The following PLEKHH2 variants were observed in gnomAD, a reference collection of about 807,000 sequenced individuals.
PLEKHH2 encodes the protein pleckstrin homology, MyTH4 and FERM domain containing H2, also known as pleckstrin homology domain-containing family H member 2.
A neutral mutation model predicts 187.9 loss-of-function variants in PLEKHH2; 129 were observed. The ratio of observed to expected loss-of-function variants is 0.69; its 90% CI spans 0.59 to 0.79. The LOEUF is 0.79. Among genes scored for constraint, PLEKHH2 ranks in the 30% least tolerant of loss-of-function variants. The pLI, the probability that PLEKHH2 is intolerant of heterozygous loss-of-function variation, is 0.00. For missense variants in PLEKHH2, 2,076 were observed against 1,751.2 expected, an observed-to-expected ratio of 1.19 and a Z score of -3.31; for synonymous variants, 686 against 605.6, an observed-to-expected ratio of 1.13 and a Z score of -1.95.
Position 43,710,266 on chromosome 2 carries a change from T to C in PLEKHH2, c.2150T>C (p.Val717Ala), listed in dbSNP as rs1263800555. The C allele has an allele frequency of 1.2e-6, 2 of 1,614,162 alleles. No individual in the cohort carries two copies. The highest frequency in any genetic ancestry group is 2.2e-5 in the South Asian group (2 of 91,072). ...SGYLLKMSGKVKSWKRRWFVL... is the reference protein window; with the variant it reads ...SGYLLKMSGKAKSWKRRWFVL... ...TATTTATTAAAAATGAGTGGTAAAG[T>C]CAAGTCTTGGAAGCGGCGGTGGTTT... The change falls in exon 13 of 30, where the codon GTC (valine) becomes GCC (alanine). Residue 717 changes from valine (V) to alanine (A), a missense_variant. Coordinates refer to ENST00000282406, the MANE Select transcript of PLEKHH2 (RefSeq NM_172069.4).
At chr2:43,675,881 CA>C (rs1558461534) in intron 2 of PLEKHH2, 1 of 1,613,990 alleles carries the variant, frequency 6.2e-7, no homozygotes, top group African/African-American at 1.3e-5. Context: ...TTTTCAATGA[CA>C]GCAAACGTAG....
At chr2:43,672,124 T>G (rs932182451) in intron 2 of PLEKHH2, among the ~76,000 whole-genome samples, 1 of 152,222 alleles carries the variant, frequency 6.6e-6, no homozygotes, top group Non-Finnish European at 1.5e-5. Context: ...GCTAACTTAT[T>G]TCTTCTTAAA....
Position 43,729,743 on chromosome 2 carries a change from CT to C in PLEKHH2, c.2830del (p.Ser944ProfsTer21), listed in dbSNP as rs778901897. 6.3e-7 allele frequency: 1 copy of C among 1,582,462 alleles called. No homozygotes were observed. Among genetic ancestry groups the C allele is most frequent in the East Asian group, 2.3e-5 (1 of 44,326 alleles). ...VCKLLNIDGE[P>X]SSQIWRHPTL... ...AAATTGCTAAATATAGACGGGGAGCCTTGTAAGTTCATAAACATATAAATAA... is the reference window on the plus strand; with the variant it reads ...AAATTGCTAAATATAGACGGGGAGCCTGTAAGTTCATAAACATATAAATAA... On this transcript the variant is annotated frameshift_variant and splice_region_variant, in exon 18 of 30. Transcript: ENST00000282406. LOFTEE classifies it high-confidence loss of function.
chr2:43,706,068 A>G (rs1669641465), intron 9 of PLEKHH2, among the ~76,000 whole-genome samples: 1 of 152,226 alleles, frequency 6.6e-6, no homozygotes. Flanking sequence ...AATAAAAGCT[A>G]TGGTTCTTGC....
chr2:43,754,231 T>A (rs2104616986), intron 25 of PLEKHH2, among the ~76,000 whole-genome samples: 1 of 150,350 alleles, frequency 6.7e-6, no homozygotes, highest in African/African-American at 2.5e-5. Flanking sequence ...TTAATCAGAA[T>A]AGAAGTATAT....
At chr2:43,722,951 A>G (rs921482582) in intron 16 of PLEKHH2, among the ~76,000 whole-genome samples, 1 of 152,212 alleles carries the variant, frequency 6.6e-6, no homozygotes, top group Admixed American at 6.5e-5. Context: ...TGCTATAAAT[A>G]TTTCCAAAAG....
intron 3 of PLEKHH2, among the ~76,000 whole-genome samples, chr2:43,687,980 T>C (rs1229422273): frequency 6.6e-6 from 1 of 152,106 alleles, no homozygotes; most frequent in Non-Finnish European, 1.5e-5. Flanking sequence ...AGAATTTTTT[T>C]TGTAGAGATG....
chr2:43,710,851 T>C (rs1372346635), intron 14 of PLEKHH2: 1 of 1,180,240 alleles, frequency 8.5e-7, no homozygotes, highest in Non-Finnish European at 1.0e-6. Context: ...TTTTCAGCTG[T>C]CCAACTGTGA....
In PLEKHH2 at chr2:43,712,351, G is replaced by A. The variant is rs746927146; in HGVS notation, c.2428G>A (p.Gly810Ser). 4.3e-6 allele frequency: 7 copies of A among 1,613,988 alleles called. No individual in the cohort carries two copies. In the African/African-American group the frequency reaches 8.0e-5, roughly 18 times the overall value. The change falls in exon 15 of 30, where the codon GGC becomes AGC. Residue 810 changes from glycine to serine, a missense_variant. By Grantham distance (56) the Gly-to-Ser change is moderately conservative (BLOSUM62 0). Transcript: ENST00000282406. ...CAACCCACTTTCCCTGCAGCCTGAGGGCAAACCCACCATGAAGGGATTGCT... is the reference window on the plus strand; with the variant it reads ...CAACCCACTTTCCCTGCAGCCTGAGAGCAAACCCACCATGAAGGGATTGCT... ...AANPLSLQPE[G>S]KPTMKGLLTK... is the part of the protein sequence containing the mutation.
At chr2:43,719,992 C>G (rs1157912704) in intron 15 of PLEKHH2, among the ~76,000 whole-genome samples, 1 of 152,094 alleles carries the variant, frequency 6.6e-6, no homozygotes, top group Non-Finnish European at 1.5e-5. Flanking sequence ...TGAAACTGCA[C>G]TTTCTCTTCT....
At chr2:43,748,912 A>G (rs540779219) in intron 24 of PLEKHH2, among the ~76,000 whole-genome samples, 9 of 152,314 alleles carry the variant, frequency 5.9e-5, no homozygotes, top group African/African-American at 2.2e-4. Context: ...GCCTGCCACC[A>G]TGCCCAGCTA....
At chr2:43,717,640 G>C (rs1234559238) in intron 15 of PLEKHH2, among the ~76,000 whole-genome samples, 3 of 152,202 alleles carry the variant, frequency 2.0e-5, no homozygotes, top group Non-Finnish European at 2.9e-5. Context: ...AGTGAAGAGA[G>C]CAAGGTTGTG....
rs75909622 is a variant in PLEKHH2, at chr2:43,754,774, C to G, written c.3795+1014C>G. On this transcript the variant is annotated intron_variant, in intron 25 of 29. Coordinates refer to ENST00000282406, the MANE Select transcript of PLEKHH2 (RefSeq NM_172069.4). The stretch of plus-strand genomic sequence containing the variant: ...CGCTACACTCTGTCCCAGGACATCT[C>G]AATCATTCTTTTTATTCTATGCACC... 5.9e-4 allele frequency among the ~76,000 whole-genome samples: 90 copies of G among 151,988 alleles called. No individual in the cohort carries two copies. In the East Asian group the frequency reaches 0.01, roughly 17 times the overall value.
At chr2:43,695,257 A>T in intron 6 of PLEKHH2, 33 bp downstream of exon 6, 4 of 1,301,922 alleles carry the variant, frequency 3.1e-6, no homozygotes, top group Non-Finnish European at 4.3e-6. Flanking sequence ...GCTTAGTTGG[A>T]TTTATTTGAC....
intron 2 of PLEKHH2, among the ~76,000 whole-genome samples, chr2:43,666,345 GCA>G (rs1361190611): frequency 6.6e-6 from 1 of 151,052 alleles, no homozygotes; most frequent in Non-Finnish European, 1.5e-5. Flanking sequence ...CGCACGGTGC[GCA>G]CACCCACTGG....
chr2:43,741,772 C>T (rs772266734), intron 21 of PLEKHH2, among the ~76,000 whole-genome samples: 56 of 152,108 alleles, frequency 3.7e-4, no homozygotes, highest in Non-Finnish European at 5.1e-4. Flanking sequence ...TGAGGAGCCC[C>T]GAGACCAAGG....
chr2:43,698,111 C>G (rs1248475128), intron 7 of PLEKHH2, among the ~76,000 whole-genome samples: 2 of 152,186 alleles, frequency 1.3e-5, no homozygotes, highest in African/African-American at 2.4e-5. Flanking sequence ...TTCCTTCCCC[C>G]AGAAGAGAAA....
chr2:43,693,508 G>A (rs1311422393), intron 4 of PLEKHH2, among the ~76,000 whole-genome samples: 4 of 152,042 alleles, frequency 2.6e-5, no homozygotes, highest in Admixed American at 6.5e-5. Context: ...GGTGGATCAC[G>A]AGGTCAGGAG....
At chr2:43,671,300 A>G (rs950045593) in intron 2 of PLEKHH2, among the ~76,000 whole-genome samples, 23 of 152,142 alleles carry the variant, frequency 1.5e-4, no homozygotes, top group African/African-American at 4.3e-4. Context: ...TATTGCTCTT[A>G]TATAGAAATA....
Sources: allele counts gnomAD v4.1 joint callset (sites outside exome capture counted in the v4.1 genomes callset), GRCh38; gene constraint gnomAD v4.1.1; transcripts MANE v1.5; gene names NCBI Gene and HGNC (gene_info 2026-07-23, HGNC 2026-07-21).